The following APCDD1 variants were observed in gnomAD, a reference collection of about 807,000 sequenced individuals.
APCDD1 encodes the protein protein APCDD1.
APCDD1 carries 15 observed loss-of-function variants against 38.1 expected under a neutral mutation model. The ratio of observed to expected loss-of-function variants is 0.39; its 90% CI spans 0.26 to 0.61. APCDD1 has a LOEUF of 0.61. Ranked by LOEUF, APCDD1 falls within the 20% of genes least tolerant of loss-of-function variation. The pLI is 0.49. For missense variants in APCDD1, 647 were observed against 696.2 expected (o/e 0.93, Z 0.79); for synonymous variants, 261 against 279.7 (o/e 0.93, Z 0.67).
intron 1 of APCDD1, 138 bp downstream of exon 1, chr18:10,455,177 C>A: frequency 7.3e-7 from 1 of 1,378,534 alleles, no homozygotes; most frequent in South Asian, 1.5e-5. Context: ...AGGGGAGCCC[C>A]GCGCCTGCCG....
rs1483281259 is a variant in APCDD1, at chr18:10,485,708, A to G, written c.1021A>G (p.Ile341Val). 3 of 1,614,024 alleles carry G rather than the reference A, an allele frequency of 1.9e-6. No homozygotes were observed. Among genetic ancestry groups the G allele is most frequent in the Non-Finnish European group, 1.7e-6 (2 of 1,180,010 alleles). ...GGTGTGCAAGCACCCCACCTTCTCC[A>G]TCTACGCCCGGGGCCGCTACAGCCG... is the stretch of plus-strand genomic sequence containing the variant. The part of the protein sequence containing the change: ...DPVCKHPTFS[I>V]YARGRYSRGV... The change falls in exon 4 of 5, where the codon ATC becomes GTC. Residue 341 changes from isoleucine (I) to valine (V), a missense_variant. Coordinates refer to ENST00000355285, the MANE Select transcript of APCDD1 (RefSeq NM_153000.5). This position sits in a 1 kb window ranked among gnomAD's most constrained non-coding sequence, Gnocchi z 5.8.
intron 1 of APCDD1, among the ~76,000 whole-genome samples, chr18:10,460,122 A>G (rs774800656): frequency 6.6e-6 from 1 of 152,228 alleles, no homozygotes; most frequent in Non-Finnish European, 1.5e-5. Context: ...TTTACATTTT[A>G]TTATGTGTAA....
intron 3 of APCDD1, among the ~76,000 whole-genome samples, chr18:10,474,753 G>T (rs949555991): frequency 6.6e-6 from 1 of 152,186 alleles, no homozygotes; most frequent in Non-Finnish European, 1.5e-5. Context: ...TGGCGCCCAG[G>T]GGTACTCCAG....
At position 10,487,529 on chromosome 18, in the gene APCDD1, T is replaced by G. The variant is rs148965715; in HGVS notation, c.1097-61T>G. On this transcript the variant is annotated intron_variant, in intron 4 of 4. Transcript: ENST00000355285. ...TAGAGTGTGGCCAGTGTTTTCTGGG[T>G]GGGTTTCTGGATCCCACGCCTACTC... 2.5e-4 allele frequency: 391 copies of G among 1,544,110 alleles called. 4 individuals are homozygous for G. In the East Asian group the frequency reaches 8.3e-3, roughly 33 times the overall value.
chr18:10,468,942 A>G (rs1473335583), intron 2 of APCDD1, among the ~76,000 whole-genome samples: 2 of 152,242 alleles, frequency 1.3e-5, no homozygotes, highest in Admixed American at 1.3e-4. Flanking sequence ...CTTGTGTATA[A>G]AAAGAAACCA....
intron 1 of APCDD1, among the ~76,000 whole-genome samples, chr18:10,462,808 CCTT>C (rs749748817): frequency 2.6e-5 from 4 of 152,016 alleles, no homozygotes; most frequent in Non-Finnish European, 5.9e-5. Context: ...GGAGCTGTTC[CCTT>C]CTTTTATCTT....
At position 10,481,550 on chromosome 18, in the gene APCDD1, G is replaced by T. The variant is rs1388786986; in HGVS notation, c.775-3912G>T. On this transcript the variant is annotated intron_variant, in intron 3 of 4. Coordinates refer to ENST00000355285, the MANE Select transcript of APCDD1 (RefSeq NM_153000.5). The stretch of plus-strand genomic sequence containing the variant: ...GGGCAGGAGAGAGAATGAGGCGTTA[G>T]TGTTTAGTGGGTGCAGATTTTCAGC... Among the ~76,000 whole-genome samples, 4 of 152,080 alleles carry T rather than the reference G, an allele frequency of 2.6e-5. No individual in the cohort carries two copies. The East Asian group carries it at 7.7e-4, about 29-fold the overall frequency.
chr18:10,483,016 G>A (rs1476068883), intron 3 of APCDD1, among the ~76,000 whole-genome samples: 1 of 152,242 alleles, frequency 6.6e-6, no homozygotes, highest in African/African-American at 2.4e-5. Flanking sequence ...GGTGCACTGA[G>A]TGGGAACCAC....
In APCDD1 at chr18:10,488,189, G is replaced by A; in HGVS notation, c.*151G>A. ...CCTCTCCCTCCCTCCCAGCCCCTGA[G>A]TCATGAACAGCAAGGAGTGTTTGAA... On this transcript the variant is annotated 3_prime_UTR_variant, in exon 5 of 5. Coordinates refer to ENST00000355285, the MANE Select transcript of APCDD1 (RefSeq NM_153000.5). The A allele has an allele frequency of 2.1e-6, 2 of 966,712 alleles. No homozygotes were observed. Among genetic ancestry groups the A allele is most frequent in the South Asian group, 1.6e-5 (1 of 63,922 alleles). 59.9% of individuals were successfully genotyped at this position (966,712 alleles called of 1,614,324 possible).
At chr18:10,482,095 C>G (rs1029908737) in intron 3 of APCDD1, among the ~76,000 whole-genome samples, 2 of 152,146 alleles carry the variant, frequency 1.3e-5, no homozygotes, top group African/African-American at 4.8e-5. Flanking sequence ...TCCTCGACGT[C>G]ATCCCAGAAG....
rs1598393799 is a variant in APCDD1 at position 10,457,568 on chromosome 18, A to G, written c.58+2529A>G. On this transcript the variant is annotated intron_variant, in intron 1 of 4. Transcript: ENST00000355285. Reference sequence around the variant, plus strand: ...ATACCATTTGTCTATTTATGGGTCAACTTAGTAGATAAAAGCATTTGTTCT... The same window carrying G: ...ATACCATTTGTCTATTTATGGGTCAGCTTAGTAGATAAAAGCATTTGTTCT... 2.0e-5 allele frequency among the ~76,000 whole-genome samples: 3 copies of G among 152,320 alleles called. 1 individual carries two copies. Among genetic ancestry groups the G allele is most frequent in the Admixed American group, 6.5e-5 (1 of 15,308 alleles).
Position 10,454,991 on chromosome 18 carries a change from C to G in APCDD1, c.10C>G (p.Pro4Ala). The G allele has an allele frequency of 6.4e-7, 1 of 1,553,722 alleles. No homozygotes were observed. Among genetic ancestry groups the G allele is most frequent in the Non-Finnish European group, 8.7e-7 (1 of 1,149,388 alleles). Residue 4 changes from proline (P) to alanine (A), a missense_variant, in exon 1 of 5, where the codon CCG becomes GCG. Coordinates refer to ENST00000355285, the MANE Select transcript of APCDD1 (RefSeq NM_153000.5). ...CAGAGCAGGACTGGAAATGTCCTGGCCGCGCCGCCTCCTGCTCAGATACCT... is the reference window on the plus strand; with the variant it reads ...CAGAGCAGGACTGGAAATGTCCTGGGCGCGCCGCCTCCTGCTCAGATACCT... MSW[P>A]RRLLLRYLFP...
In APCDD1 at chr18:10,488,855, G is replaced by GT. The variant is rs1351254473; in HGVS notation, c.*818dup. 4.6e-5 allele frequency: 7 copies of GT among 152,192 alleles called. No homozygotes were observed. Among genetic ancestry groups the GT allele is most frequent in the African/African-American group, 1.7e-4 (7 of 41,442 alleles). The allele number at this position is 152,192 out of a possible 1,614,324, so 9.4% of individuals were successfully genotyped here. A position where few individuals can be genotyped will look rare whatever the true frequency, so the allele number is the denominator to read the frequency against. On this transcript the variant is annotated 3_prime_UTR_variant, in exon 5 of 5. Coordinates refer to ENST00000355285, the MANE Select transcript of APCDD1 (RefSeq NM_153000.5). The stretch of plus-strand genomic sequence containing the variant: ...CTGTTACACAGGAGCAGTGACACGG[G>GT]TGGCTGCAGTGTGGTACATGCCACA...
At chr18:10,458,384 C>T (rs895263675) in intron 1 of APCDD1, among the ~76,000 whole-genome samples, 7 of 152,166 alleles carry the variant, frequency 4.6e-5, no homozygotes, top group Non-Finnish European at 8.8e-5. Flanking sequence ...TGTGAGGAAA[C>T]GTTTATACAG....
At chr18:10,462,357 A>T (rs1293637722) in intron 1 of APCDD1, among the ~76,000 whole-genome samples, 3 of 152,152 alleles carry the variant, frequency 2.0e-5, no homozygotes, top group African/African-American at 7.2e-5. Context: ...TCCTTTTCAG[A>T]TGCAGATGTA....
chr18:10,481,456 G>A (rs1438292149), intron 3 of APCDD1, among the ~76,000 whole-genome samples: 3 of 152,154 alleles, frequency 2.0e-5, no homozygotes, highest in Non-Finnish European at 2.9e-5. Context: ...AATAGTGATA[G>A]TTCCCCTCAG....
In APCDD1 at chr18:10,487,787, C is replaced by T. The variant is rs116143459; in HGVS notation, c.1294C>T (p.Arg432Trp). Residue 432 changes from arginine (R) to tryptophan (W), a missense_variant, in exon 5 of 5, where the codon CGG (arginine) becomes TGG (tryptophan). Physicochemically the swap from Arg to Trp is moderately radical, Grantham distance 101. Coordinates refer to ENST00000355285, the MANE Select transcript of APCDD1 (RefSeq NM_153000.5). The stretch of plus-strand genomic sequence containing the variant: ...GATCTTCAAAATGGAACAGGATGCC[C>T]GGGGGCGCTATCTGCTGTTCAACGG... ...YEIFKMEQDARGRYLLFNGQR... is the reference protein window; with the variant it reads ...YEIFKMEQDAWGRYLLFNGQR... 102 of 1,614,104 alleles carry T rather than the reference C, an allele frequency of 6.3e-5. 1 individual carries two copies. Among genetic ancestry groups the T allele is most frequent in the African/African-American group, 6.0e-4 (45 of 75,048 alleles).
chr18:10,477,297 C>T (rs2031025085), intron 3 of APCDD1: 1 of 152,206 alleles, frequency 6.6e-6, no homozygotes, highest in South Asian at 2.1e-4. Context: ...CTCCCTGGAG[C>T]CAGGTGTTTC....
rs137866978 is a variant in APCDD1, at chr18:10,466,571, G to T, written c.59-1898G>T. Among the ~76,000 whole-genome samples the T allele has an allele frequency of 4.6e-5, 7 of 152,294 alleles. No homozygotes were observed. The East Asian group carries it at 9.6e-4, about 21-fold the overall frequency. On this transcript the variant is annotated intron_variant, in intron 1 of 4. Transcript: ENST00000355285. ...AGGCTGGTTTTGAAAAGAGAAAAAT[G>T]ACTGAATCAAGCATGCTTGCTTCCA...
Sources: allele counts gnomAD v4.1 joint callset (sites outside exome capture counted in the v4.1 genomes callset), GRCh38; gene constraint gnomAD v4.1.1; non-coding constraint Gnocchi (gnomAD v3.1); transcripts MANE v1.5; gene names NCBI Gene and HGNC (gene_info 2026-07-23, HGNC 2026-07-21).